DNM1L: variants seen among roughly 807,000 people sequenced by gnomAD.
DNM1L encodes dynamin 1L.
A neutral mutation model predicts 92.8 loss-of-function variants in DNM1L; 33 were observed. That is an observed-to-expected ratio of 0.36 (90% CI 0.27 to 0.48). The LOEUF (loss-of-function observed/expected upper bound fraction) is 0.48. DNM1L is among the 20% of genes least tolerant of loss of function. DNM1L has a pLI of 0.99. For synonymous variants in DNM1L, 284 were observed against 305.0 expected, an observed-to-expected ratio of 0.93 and a Z score of 0.72; for missense variants, 485 against 888.8, an observed-to-expected ratio of 0.55 and a Z score of 5.78.
rs1382041858 is a variant in DNM1L, at chr12:32,717,855, TA to T, written c.620-787del. On this transcript the variant is annotated intron_variant, in intron 6 of 19. Transcript: ENST00000549701. ...GTATATACTATATATATTTTATAAA[TA>T]TACTATATATAGTATATACTATATA... Among the ~76,000 whole-genome samples the T allele has an allele frequency of 2.6e-5, 3 of 115,250 alleles. 1 individual carries two copies. The highest frequency in any genetic ancestry group is 1.0e-4 in the African/African-American group (3 of 28,780). 75.6% of individuals were successfully genotyped at this position (115,250 alleles called of 152,430 possible). A position where few individuals can be genotyped will look rare whatever the true frequency, so the allele number is the denominator to read the frequency against.
In DNM1L at chr12:32,713,200, T is replaced by C; in HGVS notation, c.457-9T>C. The C allele has an allele frequency of 6.2e-7, 1 of 1,613,684 alleles. No individual in the cohort carries two copies. The highest frequency in any genetic ancestry group is 8.5e-7 in the Non-Finnish European group (1 of 1,179,788). ...TTATTAGTTCCTTGCTCATCTCTGT[T>C]TGGTTTAGGTGCCTGTAGGTGATCA... On this transcript the variant is annotated splice_polypyrimidine_tract_variant and intron_variant, in intron 5 of 19. Coordinates refer to ENST00000549701, the MANE Select transcript of DNM1L (RefSeq NM_012062.5).
intron 5 of DNM1L, among the ~76,000 whole-genome samples, chr12:32,713,006 A>T (rs1045925158): frequency 6.6e-6 from 1 of 152,152 alleles, no homozygotes; most frequent in Non-Finnish European, 1.5e-5. Context: ...TATTAAATCA[A>T]CTTTTGATAT....
intron 1 of DNM1L, among the ~76,000 whole-genome samples, chr12:32,691,301 C>T (rs140690585): frequency 0.01 from 1,547 of 152,166 alleles, 33 homozygotes; most frequent in African/African-American, 0.034. Flanking sequence ...TGCAGAGGCG[C>T]GATCTCGGCT....
chr12:32,699,706 A>ACT (rs1952616912), intron 1 of DNM1L, among the ~76,000 whole-genome samples: 1 of 149,560 alleles, frequency 6.7e-6, no homozygotes, highest in Non-Finnish European at 1.5e-5. Flanking sequence ...AGGCAGGAGA[A>ACT]CTGCTTGAAC....
Position 32,731,193 on chromosome 12 carries a change from C to T in DNM1L, c.1200+59C>T. The T allele has an allele frequency of 1.2e-6, 2 of 1,607,452 alleles. No homozygotes were observed. The highest frequency in any genetic ancestry group is 1.7e-6 in the Non-Finnish European group (2 of 1,175,806). On this transcript the variant is annotated intron_variant, in intron 10 of 19. Transcript: ENST00000549701. This position sits in a 1 kb window ranked among gnomAD's most constrained non-coding sequence, Gnocchi z 5.1. ...AAATGAGGTTAAAGTTTTTCTTACC[C>T]ATATACTGTGTCTTTTTAAATTTAA...
chr12:32,685,467 T>C (rs1951972230), intron 1 of DNM1L, among the ~76,000 whole-genome samples: 1 of 151,420 alleles, frequency 6.6e-6, no homozygotes, highest in Non-Finnish European at 1.5e-5. Context: ...CTCAAGGCGT[T>C]CTCCTGCTTC....
chr12:32,737,595 C>G (rs1954981370), intron 14 of DNM1L: 1 of 452,802 alleles, frequency 2.2e-6, no homozygotes, highest in Non-Finnish European at 4.0e-6. Context: ...ACCTTGAATT[C>G]TTTGCCAGAA....
Position 32,679,423 on chromosome 12 carries a change from C to T in DNM1L, c.60C>T (p.Ala20=). The part of the protein sequence containing the change: ...KLQDVFNTVG[A]DIIQLPQIVV... ...AGGACGTCTTCAACACGGTGGGCGCCGACATCATCCAGCTGCCTCAAATCG... is the reference window on the plus strand; with the variant it reads ...AGGACGTCTTCAACACGGTGGGCGCTGACATCATCCAGCTGCCTCAAATCG... Residue 20 remains alanine, a synonymous_variant, in exon 1 of 20, where the codon GCC becomes GCT. Transcript: ENST00000549701. 1 of 1,613,670 alleles carries T rather than the reference C, an allele frequency of 6.2e-7. No individual in the cohort carries two copies. The highest frequency in any genetic ancestry group is 1.7e-5 in the Admixed American group (1 of 60,018).
At chr12:32,734,679 G>A (rs2137544540) in intron 13 of DNM1L, among the ~76,000 whole-genome samples, 1 of 152,268 alleles carries the variant, frequency 6.6e-6, no homozygotes, top group Non-Finnish European at 1.5e-5. Context: ...TTGGTGGCAG[G>A]TGCCTGTAAT....
intron 1 of DNM1L, among the ~76,000 whole-genome samples, chr12:32,688,618 T>A (rs1952115627): frequency 6.6e-6 from 1 of 152,226 alleles, no homozygotes; most frequent in Non-Finnish European, 1.5e-5. Flanking sequence ...TTCAACAGTT[T>A]GATTATAATT....
At chr12:32,703,795 A>T (rs1215075013) in intron 2 of DNM1L, among the ~76,000 whole-genome samples, 1 of 152,126 alleles carries the variant, frequency 6.6e-6, no homozygotes, top group East Asian at 1.9e-4. Flanking sequence ...AAAACTGGCT[A>T]AAGTAAAATA....
chr12:32,708,865 T>A (rs911058988), intron 4 of DNM1L, among the ~76,000 whole-genome samples: 17 of 152,120 alleles, frequency 1.1e-4, no homozygotes, highest in African/African-American at 3.9e-4. Flanking sequence ...CCTATTATTT[T>A]TCTCTTTATA....
At chr12:32,714,165 C>T (rs1953256699) in intron 6 of DNM1L, among the ~76,000 whole-genome samples, 1 of 151,828 alleles carries the variant, frequency 6.6e-6, no homozygotes, top group African/African-American at 2.4e-5. Flanking sequence ...TCATGTTTTT[C>T]TTTCCCTGCT....
intron 18 of DNM1L, among the ~76,000 whole-genome samples, chr12:32,741,956 A>G (rs185564166): frequency 6.6e-6 from 1 of 152,334 alleles, no homozygotes; most frequent in African/African-American, 2.4e-5. Flanking sequence ...TTTTGTGTGA[A>G]TAATACTAGA....
In DNM1L at chr12:32,679,991, C is replaced by T. The variant is rs538343596; in HGVS notation, c.102+526C>T. The T allele has an allele frequency of 5.5e-5, 54 of 985,418 alleles. 1 individual carries two copies. The East Asian group carries it at 5.0e-3, about 91-fold the overall frequency. 61.0% of individuals were successfully genotyped at this position (985,418 alleles called of 1,614,324 possible). A position where few individuals can be genotyped will look rare whatever the true frequency, so the allele number is the denominator to read the frequency against. On this transcript the variant is annotated intron_variant, in intron 1 of 19. Transcript: ENST00000549701. ...GTTGAGGCTGAGAGACGCTACGGTG[C>T]GTGAGCGCCAGTGTTTTCCTGCAGT...
chr12:32,727,877 G>A (rs1421297679), intron 9 of DNM1L, among the ~76,000 whole-genome samples: 2 of 152,160 alleles, frequency 1.3e-5, no homozygotes, highest in African/African-American at 2.4e-5. Flanking sequence ...AGTAAACACT[G>A]AGGATAAATT....
chr12:32,730,240 TGTA>T (rs1452798541), intron 9 of DNM1L, among the ~76,000 whole-genome samples: 11 of 152,186 alleles, frequency 7.2e-5, no homozygotes, highest in Admixed American at 3.9e-4. Flanking sequence ...GGCACATGCC[TGTA>T]GTCCCAGCTA....
At chr12:32,695,855 G>A (rs1952424082) in intron 1 of DNM1L, among the ~76,000 whole-genome samples, 1 of 152,116 alleles carries the variant, frequency 6.6e-6, no homozygotes, top group Admixed American at 6.5e-5. Context: ...ACAAGAGCAA[G>A]TAAACGTAAC....
chr12:32,715,987 A>G (rs1953346440), intron 6 of DNM1L, among the ~76,000 whole-genome samples: 4 of 152,228 alleles, frequency 2.6e-5, no homozygotes, highest in Admixed American at 2.0e-4. Context: ...AAAACTAGAA[A>G]CAACTCACAT....
Sources: gnomAD v4.1 joint callset for allele counts (sites outside exome capture counted in the v4.1 genomes callset) on GRCh38, gnomAD v4.1.1 for gene constraint, Gnocchi (gnomAD v3.1) non-coding constraint, MANE v1.5 for transcripts, NCBI Gene and HGNC (gene_info 2026-07-23, HGNC 2026-07-21) for gene names.